LRRTM4: variants seen among roughly 807,000 people sequenced by gnomAD.
The protein encoded by LRRTM4 is leucine-rich repeat transmembrane neuronal protein 4.
In LRRTM4, 25 loss-of-function variants were observed where a neutral mutation model predicts 47.6. The observed-to-expected ratio is 0.53, with a 90% confidence interval of 0.38 to 0.73. The LOEUF (loss-of-function observed/expected upper bound fraction) is 0.73. Ranked by LOEUF, LRRTM4 falls within the 30% of genes least tolerant of loss-of-function variation. The pLI is 0.00. For missense variants in LRRTM4, 638 were observed against 713.4 expected (o/e 0.89, Z 1.20); for synonymous variants, 311 against 269.5 (o/e 1.15, Z -1.51).
chr2:77,214,520 A>T (rs1674383399), intron 3 of LRRTM4, among the ~76,000 whole-genome samples: 1 of 152,132 alleles, frequency 6.6e-6, no homozygotes, highest in Admixed American at 6.6e-5. Context: ...GGCCTCCTTA[A>T]ATAGGCTCTG....
At chr2:76,762,930 C>G (rs151034807) in intron 3 of LRRTM4, among the ~76,000 whole-genome samples, 6 of 152,180 alleles carry the variant, frequency 3.9e-5, no homozygotes, top group African/African-American at 4.8e-5. Flanking sequence ...CTTTTCACTT[C>G]TATCCCCTTG....
intron 3 of LRRTM4, among the ~76,000 whole-genome samples, chr2:76,932,860 T>C (rs1674819346): frequency 6.6e-6 from 1 of 152,148 alleles, no homozygotes; most frequent in South Asian, 2.1e-4. Flanking sequence ...TAAATTTTAT[T>C]ATACTTTAAG....
At chr2:77,066,641 G>T (rs980256157) in intron 3 of LRRTM4, among the ~76,000 whole-genome samples, 2 of 152,138 alleles carry the variant, frequency 1.3e-5, no homozygotes, top group African/African-American at 2.4e-5. Context: ...TGTCACAGAG[G>T]AGCTTACTAT....
At chr2:77,177,423 G>A (rs1313097232) in intron 3 of LRRTM4, among the ~76,000 whole-genome samples, 1 of 152,168 alleles carries the variant, frequency 6.6e-6, no homozygotes, top group Non-Finnish European at 1.5e-5. Context: ...AATGTGAGGA[G>A]GGAATCCATG....
At chr2:76,917,459 C>T (rs17405440) in intron 3 of LRRTM4, among the ~76,000 whole-genome samples, 22,022 of 152,140 alleles carry the variant, frequency 0.14, 2,026 homozygotes, top group Admixed American at 0.22. Flanking sequence ...ATGTTTCGCT[C>T]AGAATCACAC....
intron 3 of LRRTM4, among the ~76,000 whole-genome samples, chr2:77,411,364 T>C (rs1573377715): frequency 6.6e-6 from 1 of 151,698 alleles, no homozygotes. Flanking sequence ...GATGCCGGGG[T>C]CTTCGATTTC....
At chr2:77,329,226 A>T (rs997494287) in intron 3 of LRRTM4, among the ~76,000 whole-genome samples, 1 of 152,184 alleles carries the variant, frequency 6.6e-6, no homozygotes, top group African/African-American at 2.4e-5. Context: ...ATTACCAAAA[A>T]AATTGTTTAC....
chr2:76,771,347 A>G (rs1428433963), intron 3 of LRRTM4, among the ~76,000 whole-genome samples: 1 of 152,210 alleles, frequency 6.6e-6, no homozygotes, highest in African/African-American at 2.4e-5. Flanking sequence ...GGAATGAGAT[A>G]GAAGAAAGAA....
chr2:76,899,484 C>T (rs996512832), intron 3 of LRRTM4, among the ~76,000 whole-genome samples: 5 of 151,822 alleles, frequency 3.3e-5, no homozygotes, highest in African/African-American at 1.2e-4. Context: ...GATATTTGAA[C>T]AAAGAATAGA....
At chr2:77,241,629 G>GA (rs1456607596) in intron 3 of LRRTM4, among the ~76,000 whole-genome samples, 1 of 151,972 alleles carries the variant, frequency 6.6e-6, no homozygotes, top group Non-Finnish European at 1.5e-5. Flanking sequence ...ATAAGCTCTG[G>GA]AAAAAAACCT....
chr2:76,888,879 G>A lies in LRRTM4; in HGVS notation c.1552-139963C>T, dbSNP rs373055197. Among the ~76,000 whole-genome samples, 20 of 151,902 alleles carry A rather than the reference G, an allele frequency of 1.3e-4. No homozygotes were observed. In the East Asian group the frequency reaches 2.7e-3, roughly 21 times the overall value. On this transcript the variant is annotated intron_variant, in intron 3 of 3. Coordinates refer to ENST00000409884, the MANE Select transcript of LRRTM4 (RefSeq NM_001134745.3). Reference sequence around the variant, plus strand: ...ATAAAATATTTGGTGGCTAGCTTTCGCCTTTTTAAGAGAAAGCTGTGAGAC... The same window carrying A: ...ATAAAATATTTGGTGGCTAGCTTTCACCTTTTTAAGAGAAAGCTGTGAGAC...
intron 3 of LRRTM4, among the ~76,000 whole-genome samples, chr2:77,124,468 G>A (rs559089343): frequency 2.6e-5 from 4 of 152,214 alleles, no homozygotes; most frequent in African/African-American, 4.8e-5. Flanking sequence ...GCACAGAGCA[G>A]CACGAGTTCA....
chr2:77,326,795 G>A (rs1390815031), intron 3 of LRRTM4, among the ~76,000 whole-genome samples: 1 of 152,110 alleles, frequency 6.6e-6, no homozygotes, highest in Admixed American at 6.5e-5. Flanking sequence ...CCAATGAATG[G>A]AAAGACAACG....
At chr2:76,832,289 T>C (rs532683919) in intron 3 of LRRTM4, among the ~76,000 whole-genome samples, 1 of 152,138 alleles carries the variant, frequency 6.6e-6, no homozygotes, top group African/African-American at 2.4e-5. Flanking sequence ...ATGTTGAATA[T>C]AAAGCAGGTG....
At chr2:76,929,702 C>T (rs1674703985) in intron 3 of LRRTM4, among the ~76,000 whole-genome samples, 1 of 152,066 alleles carries the variant, frequency 6.6e-6, no homozygotes, top group Non-Finnish European at 1.5e-5. Context: ...TATGACAAAG[C>T]CCTTTCTGTA....
rs557803350 is a variant in LRRTM4, at chr2:77,373,134, A to G, written c.1551+145184T>C. ...ACGCACACACATATATATACTATAT[A>G]TATAAACTCAAAAACAAAAACTAGG... On this transcript the variant is annotated intron_variant, in intron 3 of 3. Coordinates refer to ENST00000409884, the MANE Select transcript of LRRTM4 (RefSeq NM_001134745.3). Among the ~76,000 whole-genome samples, 39 of 148,306 alleles carry G rather than the reference A, an allele frequency of 2.6e-4. No individual in the cohort carries two copies. In the South Asian group the frequency reaches 8.0e-3, roughly 31 times the overall value.
chr2:76,856,941 TAAAAG>T (rs1444020683), intron 3 of LRRTM4, among the ~76,000 whole-genome samples: 2 of 152,032 alleles, frequency 1.3e-5, no homozygotes, highest in African/African-American at 4.8e-5. Flanking sequence ...CAAAAAAAAA[TAAAAG>T]AAAAATTTAC....
intron 3 of LRRTM4, among the ~76,000 whole-genome samples, chr2:76,908,460 C>G (rs1486216589): frequency 1.3e-5 from 2 of 151,098 alleles, no homozygotes; most frequent in Non-Finnish European, 3.0e-5. Flanking sequence ...TCTCACCACT[C>G]CTATTCAACA....
intron 3 of LRRTM4, among the ~76,000 whole-genome samples, chr2:77,463,798 G>A (rs1234180021): frequency 6.6e-6 from 1 of 152,092 alleles, no homozygotes; most frequent in African/African-American, 2.4e-5. Flanking sequence ...AATAGTGTTA[G>A]CATAGCAGGG....
Sources: allele counts gnomAD v4.1 joint callset (sites outside exome capture counted in the v4.1 genomes callset), GRCh38; gene constraint gnomAD v4.1.1; transcripts MANE v1.5; gene names NCBI Gene and HGNC (gene_info 2026-07-23, HGNC 2026-07-21).